The following AUTS2 variants were observed in gnomAD, a reference collection of about 807,000 sequenced individuals.
AUTS2 encodes activator of transcription and developmental regulator AUTS2.
A neutral mutation model predicts 112.4 loss-of-function variants in AUTS2; 17 were observed. The observed-to-expected ratio is 0.15, with a 90% CI of 0.10 to 0.23. AUTS2 has a LOEUF of 0.23. Among genes scored for constraint, AUTS2 ranks in the 10% least tolerant of loss-of-function variants. The pLI is 1.00. For missense variants in AUTS2, 1,510 were observed against 1,701.6 expected (o/e 0.89, Z 1.98); for synonymous variants, 751 against 702.7 (o/e 1.07, Z -1.09).
At chr7:70,423,541 A>G (rs191020008) in intron 4 of AUTS2, among the ~76,000 whole-genome samples, 183 of 152,314 alleles carry the variant, frequency 1.2e-3, no homozygotes, top group Admixed American at 3.3e-3. Flanking sequence ...TACAAATTTA[A>G]ACTCCAAATC....
chr7:70,184,609 A>G (rs770159829), intron 4 of AUTS2, among the ~76,000 whole-genome samples: 5 of 152,322 alleles, frequency 3.3e-5, no homozygotes, highest in Admixed American at 1.3e-4. Flanking sequence ...ACATGTAACT[A>G]TCTTCTTTTA....
chr7:70,361,926 ACACT>A (rs1792288294), intron 4 of AUTS2, among the ~76,000 whole-genome samples: 1 of 152,210 alleles, frequency 6.6e-6, no homozygotes, highest in African/African-American at 2.4e-5. Context: ...ATGCTCTCAC[ACACT>A]CATACACAAA....
chr7:70,239,852 A>G (rs189178373), intron 4 of AUTS2, among the ~76,000 whole-genome samples: 1 of 152,344 alleles, frequency 6.6e-6, no homozygotes, highest in South Asian at 2.1e-4. Context: ...GGCAATGTAC[A>G]TAAGAATGGA....
At chr7:70,100,407 A>G (rs1584721294) in intron 2 of AUTS2, among the ~76,000 whole-genome samples, 1 of 152,034 alleles carries the variant, frequency 6.6e-6, no homozygotes, top group South Asian at 2.1e-4. Flanking sequence ...CTGTGGAAGT[A>G]GAAAGCTATA....
intron 4 of AUTS2, among the ~76,000 whole-genome samples, chr7:70,326,409 A>G (rs1790488615): frequency 6.6e-6 from 1 of 152,146 alleles, no homozygotes; most frequent in South Asian, 2.1e-4. Context: ...ACACTTGCAC[A>G]TGCACACAGC....
intron 1 of AUTS2, among the ~76,000 whole-genome samples, chr7:69,618,994 C>T (rs1442167514): frequency 3.3e-5 from 5 of 152,052 alleles, no homozygotes; most frequent in Admixed American, 6.5e-5. Context: ...CTCCCCAAGG[C>T]GAGGATTCTA....
chr7:70,754,325 T>C (rs561777403), intron 6 of AUTS2, among the ~76,000 whole-genome samples: 118 of 152,226 alleles, frequency 7.8e-4, no homozygotes, highest in African/African-American at 2.6e-3. Flanking sequence ...ACCTCATTTC[T>C]ACAAAATATA....
At chr7:69,647,168 TC>T (rs376799638) in intron 1 of AUTS2, among the ~76,000 whole-genome samples, 3 of 152,318 alleles carry the variant, frequency 2.0e-5, no homozygotes, top group Non-Finnish European at 2.9e-5. Context: ...AGTTAGCGTT[TC>T]TAAAGCATTA....
intron 4 of AUTS2, among the ~76,000 whole-genome samples, chr7:70,170,159 ATTT>A (rs34556589): frequency 8.3e-5 from 11 of 132,868 alleles, no homozygotes; most frequent in Middle Eastern, 3.7e-3. Context: ...AAATGCAAGT[ATTT>A]TTTTTTTTTT....
intron 4 of AUTS2, among the ~76,000 whole-genome samples, chr7:70,318,314 G>A (rs1032491413): frequency 6.6e-6 from 1 of 152,066 alleles, no homozygotes; most frequent in African/African-American, 2.4e-5. Flanking sequence ...AGTGTGAGGA[G>A]CAAGGACGTG....
chr7:70,276,196 A>G (rs1405866608), intron 4 of AUTS2, among the ~76,000 whole-genome samples: 2 of 152,238 alleles, frequency 1.3e-5, no homozygotes, highest in Admixed American at 6.5e-5. Flanking sequence ...AGAATCAAAG[A>G]AAGAGTGTAC....
intron 1 of AUTS2, among the ~76,000 whole-genome samples, chr7:69,794,772 T>C (rs892915498): frequency 2.6e-5 from 4 of 152,102 alleles, no homozygotes; most frequent in African/African-American, 9.7e-5. Context: ...GTCAGTGTTA[T>C]CAAGGTTACC....
intron 2 of AUTS2, among the ~76,000 whole-genome samples, chr7:70,039,534 A>G (rs1448960581): frequency 6.6e-6 from 1 of 152,064 alleles, no homozygotes; most frequent in Non-Finnish European, 1.5e-5. Context: ...TATTTTTAGT[A>G]GAGATGGGGT....
intron 4 of AUTS2, among the ~76,000 whole-genome samples, chr7:70,182,251 C>T (rs907369467): frequency 2.6e-5 from 4 of 152,230 alleles, no homozygotes; most frequent in Non-Finnish European, 4.4e-5. Context: ...TTACATCTCA[C>T]CCATACACCT....
At chr7:70,090,285 A>G (rs1239693958) in intron 2 of AUTS2, among the ~76,000 whole-genome samples, 3 of 151,974 alleles carry the variant, frequency 2.0e-5, no homozygotes, top group Admixed American at 6.5e-5. Context: ...TTCTACTTTT[A>G]TATATGTTCT....
chr7:70,604,817 G>A (rs1803648546), intron 5 of AUTS2, among the ~76,000 whole-genome samples: 1 of 152,232 alleles, frequency 6.6e-6, no homozygotes, highest in Non-Finnish European at 1.5e-5. Flanking sequence ...AGCTGCAAGG[G>A]AGGCTGGGAA....
intron 2 of AUTS2, among the ~76,000 whole-genome samples, chr7:70,007,116 G>T (rs1326472915): frequency 6.6e-6 from 1 of 152,102 alleles, no homozygotes. Context: ...GTGCAAACAG[G>T]AACTTAGAAG....
chr7:69,824,630 G>C (rs1299916139), intron 1 of AUTS2: 1 of 151,752 alleles, frequency 6.6e-6, no homozygotes, highest in Non-Finnish European at 1.5e-5. Context: ...TGCCATACAA[G>C]CCACTGGAGT....
intron 1 of AUTS2, among the ~76,000 whole-genome samples, chr7:69,824,419 AAAT>A (rs1158114463): frequency 1.3e-5 from 2 of 152,070 alleles, no homozygotes; most frequent in African/African-American, 4.8e-5. Context: ...AAAAAAAAAA[AAAT>A]AAGTGTGATA....
Sources: allele counts gnomAD v4.1 joint callset (sites outside exome capture counted in the v4.1 genomes callset), GRCh38; gene constraint gnomAD v4.1.1; transcripts MANE v1.5; gene names NCBI Gene and HGNC (gene_info 2026-07-23, HGNC 2026-07-21).